Variants in HS2ST1 observed in about 807,000 individuals in gnomAD.
HS2ST1 encodes the protein 2-O-sulfotransferase.
HS2ST1 carries 18 observed loss-of-function variants against 42.9 expected under a neutral mutation model. The observed-to-expected ratio is 0.42, with a 90% CI of 0.29 to 0.62. HS2ST1 has a LOEUF of 0.62. Ranked by LOEUF, HS2ST1 falls within the 20% of genes least tolerant of loss-of-function variation. The probability of loss-of-function intolerance (pLI) is 0.21; values close to 1 mark genes in which losing one functional copy is unlikely to be tolerated. For synonymous variants in HS2ST1, 146 were observed against 152.9 expected (o/e 0.95, Z 0.33); for missense variants, 334 against 433.8 (o/e 0.77, Z 2.04).
chr1:87,010,756 C>CTGTTT (rs56184842), intron 1 of HS2ST1, among the ~76,000 whole-genome samples: 52 of 149,684 alleles, frequency 3.5e-4, no homozygotes, highest in African/African-American at 1.0e-3. Context: ...ATAGATTTTA[C>CTGTTT]TGTTTTGTTT....
chr1:87,076,892 A>AT (rs1557537864), intron 2 of HS2ST1, among the ~76,000 whole-genome samples: 2 of 152,212 alleles, frequency 1.3e-5, no homozygotes, highest in Admixed American at 6.5e-5. Context: ...AACAACATGA[A>AT]TTTTTTTCTT....
chr1:86,990,828 ATATATATATTTTTTTTTT>A (rs1200132763), intron 1 of HS2ST1, among the ~76,000 whole-genome samples: 2 of 17,786 alleles, frequency 1.1e-4, no homozygotes, highest in Non-Finnish European at 4.3e-4. Flanking sequence ...ATATATATAT[ATATATATATTTTTTTTTT>A]TTTTTTTTTT....
At chr1:87,021,547 C>T (rs1649952218) in intron 1 of HS2ST1, among the ~76,000 whole-genome samples, 1 of 152,148 alleles carries the variant, frequency 6.6e-6, no homozygotes, top group Admixed American at 6.5e-5. Flanking sequence ...CAAGATTTCA[C>T]TCTGTCATCC....
chr1:87,092,454 T>A lies in HS2ST1; in HGVS notation c.450-77T>A, dbSNP rs1570542895. 6 of 984,428 alleles carry A rather than the reference T, an allele frequency of 6.1e-6. No homozygotes were observed. In the East Asian group the frequency reaches 1.8e-4, roughly 29 times the overall value. 61.0% of individuals were successfully genotyped at this position (984,428 alleles called of 1,614,324 possible). A position where few individuals can be genotyped will look rare whatever the true frequency, so the allele number is the denominator to read the frequency against. The stretch of plus-strand genomic sequence containing the variant: ...TCCTTATAGGACCAGTACTTCAGAC[T>A]TAAACATGTAATTTCAGGGCACTCC... On this transcript the variant is annotated intron_variant, in intron 3 of 6. Coordinates refer to ENST00000370550, the MANE Select transcript of HS2ST1 (RefSeq NM_012262.4).
intron 6 of HS2ST1, 143 bp from the exon 7 acceptor site, chr1:87,104,326 GT>G: frequency 1.6e-6 from 1 of 624,010 alleles, no homozygotes; most frequent in African/African-American, 1.8e-5. Context: ...TCAAGGCTCC[GT>G]TTTTACCTGA....
At chr1:86,975,448 T>C (rs1313020551) in intron 1 of HS2ST1, among the ~76,000 whole-genome samples, 2 of 152,134 alleles carry the variant, frequency 1.3e-5, no homozygotes, top group African/African-American at 4.8e-5. Flanking sequence ...GACCAAAGGC[T>C]GAGGGGAGGA....
At chr1:86,985,553 TAC>T (rs71082055) in intron 1 of HS2ST1, among the ~76,000 whole-genome samples, 1 of 37,428 alleles carries the variant, frequency 2.7e-5, no homozygotes, top group South Asian at 1.4e-3. Flanking sequence ...CACATATATA[TAC>T]ACACACACAC....
Position 86,937,187 on chromosome 1 carries a change from A to T in HS2ST1, c.124+22027A>T, listed in dbSNP as rs1282884902. Among the ~76,000 whole-genome samples, 8 of 152,108 alleles carry T rather than the reference A, an allele frequency of 5.3e-5. No individual in the cohort carries two copies. The East Asian group carries it at 1.5e-3, about 29-fold the overall frequency. ...CACTATTTGCAAACTGATATTCCCG[A>T]ATTTAAATAGACTTATCAAAATTGT... On this transcript the variant is annotated intron_variant, in intron 1 of 6. Coordinates refer to ENST00000370550, the MANE Select transcript of HS2ST1 (RefSeq NM_012262.4).
intron 1 of HS2ST1, among the ~76,000 whole-genome samples, chr1:87,006,598 A>G (rs935027042): frequency 6.6e-6 from 1 of 152,150 alleles, no homozygotes; most frequent in Non-Finnish European, 1.5e-5. Context: ...GGTTAAGATG[A>G]AAATTCTGAA....
rs909636964 is a variant in HS2ST1, at chr1:86,987,527, GATA to G, written c.124+72373_124+72375del. Among the ~76,000 whole-genome samples the G allele has an allele frequency of 9.7e-4, 148 of 152,302 alleles. 1 individual carries two copies. Among genetic ancestry groups the G allele is most frequent in the African/African-American group, 3.4e-3 (140 of 41,568 alleles). ...TACTGCAGAATCAGCCTAAGGAGGT[GATA>G]ATAATGCTTTGTTCTGAAAGCCACA... On this transcript the variant is annotated intron_variant, in intron 1 of 6. Coordinates refer to ENST00000370550, the MANE Select transcript of HS2ST1 (RefSeq NM_012262.4).
intron 1 of HS2ST1, among the ~76,000 whole-genome samples, chr1:87,051,337 G>C (rs533453548): frequency 6.6e-6 from 1 of 151,974 alleles, no homozygotes; most frequent in African/African-American, 2.4e-5. Flanking sequence ...ACTCACAATA[G>C]AACAAACAGT....
chr1:87,009,457 T>C (rs1649535202), intron 1 of HS2ST1, among the ~76,000 whole-genome samples: 1 of 152,182 alleles, frequency 6.6e-6, no homozygotes, highest in Non-Finnish European at 1.5e-5. Flanking sequence ...AACACAGAAA[T>C]GGACTTCATG....
At chr1:86,938,688 T>G (rs1191348832) in intron 1 of HS2ST1, among the ~76,000 whole-genome samples, 1 of 152,170 alleles carries the variant, frequency 6.6e-6, no homozygotes, top group Non-Finnish European at 1.5e-5. Context: ...TTTCTGTGTG[T>G]CATTCACCGT....
chr1:86,925,604 T>A (rs1024586969), intron 1 of HS2ST1, among the ~76,000 whole-genome samples: 3 of 152,192 alleles, frequency 2.0e-5, no homozygotes, highest in Admixed American at 6.5e-5. Flanking sequence ...CGCCTCTTTT[T>A]AAAACCATCA....
At chr1:86,961,313 T>A (rs954086552) in intron 1 of HS2ST1, among the ~76,000 whole-genome samples, 10 of 152,076 alleles carry the variant, frequency 6.6e-5, no homozygotes, top group African/African-American at 2.2e-4. Flanking sequence ...AATACAGTGG[T>A]GAGTACAAGA....
intron 1 of HS2ST1, among the ~76,000 whole-genome samples, chr1:87,055,097 C>T (rs1472052636): frequency 6.6e-6 from 1 of 152,172 alleles, no homozygotes; most frequent in East Asian, 1.9e-4. Context: ...TAATCCAGAA[C>T]TTTTCTGCCA....
chr1:87,063,144 G>C (rs1651158790), intron 1 of HS2ST1, among the ~76,000 whole-genome samples: 1 of 152,094 alleles, frequency 6.6e-6, no homozygotes, highest in Non-Finnish European at 1.5e-5. Context: ...ACCAATGTTA[G>C]ATCTTTTGTT....
intron 1 of HS2ST1, among the ~76,000 whole-genome samples, chr1:87,065,463 G>A (rs1195507917): frequency 6.6e-6 from 1 of 152,122 alleles, no homozygotes; most frequent in Admixed American, 6.6e-5. Context: ...TTACTTACGA[G>A]TAACCTATTT....
At chr1:87,079,857 A>G (rs147627781) in intron 2 of HS2ST1, among the ~76,000 whole-genome samples, 7 of 149,636 alleles carry the variant, frequency 4.7e-5, no homozygotes, top group African/African-American at 1.7e-4. Context: ...CCCTGGTAAC[A>G]ACTCTACAAA....
Sources: gnomAD v4.1 joint callset for allele counts (sites outside exome capture counted in the v4.1 genomes callset) on GRCh38, gnomAD v4.1.1 for gene constraint, MANE v1.5 for transcripts, NCBI Gene and HGNC (gene_info 2026-07-23, HGNC 2026-07-21) for gene names.